CADM2: variants seen among roughly 807,000 people sequenced by gnomAD.
The protein encoded by CADM2 is cell adhesion molecule 2, also known as immunoglobulin superfamily member 4D.
Under a neutral mutation model 49.8 loss-of-function variants are expected in CADM2, and 12 were observed. The observed-to-expected ratio is 0.24, with a 90% CI of 0.15 to 0.39. CADM2 has a LOEUF of 0.39. Ranked by LOEUF, CADM2 falls within the 10% of genes least tolerant of loss-of-function variation. The pLI is 1.00. For missense variants in CADM2, 378 were observed against 492.3 expected (o/e 0.77, Z 2.20); for synonymous variants, 214 against 175.4 (o/e 1.22, Z -1.74).
chr3:85,791,443 A>T (rs550137739), intron 2 of CADM2, among the ~76,000 whole-genome samples: 1 of 150,680 alleles, frequency 6.6e-6, no homozygotes, highest in Non-Finnish European at 1.5e-5. Context: ...ATGATCTTGA[A>T]CTTTCTAAGA....
At chr3:85,513,494 C>T (rs978514949) in intron 1 of CADM2, among the ~76,000 whole-genome samples, 2 of 151,644 alleles carry the variant, frequency 1.3e-5, no homozygotes, top group Admixed American at 6.6e-5. Context: ...TCTAATAAAA[C>T]AACATGAAAA....
intron 1 of CADM2, among the ~76,000 whole-genome samples, chr3:85,647,808 C>G (rs564034035): frequency 1.3e-5 from 2 of 151,820 alleles, no homozygotes; most frequent in Admixed American, 6.6e-5. Flanking sequence ...TATCCATTCA[C>G]TAATTTCATA....
intron 6 of CADM2, among the ~76,000 whole-genome samples, chr3:85,931,882 ATTATT>A (rs1198659509): frequency 1.3e-5 from 2 of 151,426 alleles, no homozygotes; most frequent in African/African-American, 4.8e-5. Flanking sequence ...AAAATTTAAA[ATTATT>A]TTAAATTTTT....
At chr3:85,390,710 C>A (rs2034477724) in intron 1 of CADM2, among the ~76,000 whole-genome samples, 1 of 152,134 alleles carries the variant, frequency 6.6e-6, no homozygotes, top group Middle Eastern at 3.4e-3. Flanking sequence ...CAGTTCATAG[C>A]CAACACATAA....
intron 1 of CADM2, among the ~76,000 whole-genome samples, chr3:85,557,382 G>A (rs1452328099): frequency 6.6e-6 from 1 of 151,874 alleles, no homozygotes; most frequent in Non-Finnish European, 1.5e-5. Flanking sequence ...AACAGTTATT[G>A]AAACAGTAGA....
At chr3:85,901,664 T>C (rs941372384) in intron 5 of CADM2, among the ~76,000 whole-genome samples, 1 of 152,196 alleles carries the variant, frequency 6.6e-6, no homozygotes, top group African/African-American at 2.4e-5. Flanking sequence ...TTAGATATAA[T>C]TCACATCATC....
intron 1 of CADM2, among the ~76,000 whole-genome samples, chr3:85,239,039 G>A (rs2042471498): frequency 6.6e-6 from 1 of 151,746 alleles, no homozygotes; most frequent in East Asian, 1.9e-4. Context: ...GGTAAGTAAA[G>A]AAAAAGACTT....
At chr3:85,904,803 C>T (rs1370149908) in intron 5 of CADM2, among the ~76,000 whole-genome samples, 1 of 152,006 alleles carries the variant, frequency 6.6e-6, no homozygotes, top group Non-Finnish European at 1.5e-5. Flanking sequence ...AAAATATATT[C>T]CTTGCTTTAT....
intron 1 of CADM2, among the ~76,000 whole-genome samples, chr3:85,321,514 A>G (rs147905832): frequency 1.3e-5 from 2 of 152,130 alleles, no homozygotes; most frequent in African/African-American, 4.8e-5. Context: ...AGTATTATAG[A>G]CAAGGCTTCT....
intron 8 of CADM2, among the ~76,000 whole-genome samples, chr3:85,997,859 G>A (rs1411235559): frequency 2.6e-5 from 4 of 152,134 alleles, no homozygotes; most frequent in African/African-American, 7.2e-5. Flanking sequence ...GTCTGTCTTC[G>A]TTTTGGTCAG....
intron 1 of CADM2, among the ~76,000 whole-genome samples, chr3:85,222,948 CAT>C (rs2042074711): frequency 6.6e-6 from 1 of 152,026 alleles, no homozygotes; most frequent in African/African-American, 2.4e-5. Context: ...CTTTCAAAAA[CAT>C]GTATTATTTT....
At chr3:85,362,823 A>G (rs2032455680) in intron 1 of CADM2, among the ~76,000 whole-genome samples, 1 of 152,216 alleles carries the variant, frequency 6.6e-6, no homozygotes, top group African/African-American at 2.4e-5. Context: ...ATATTCTAAC[A>G]TCACATTCCC....
chr3:86,066,612 G>C (rs1469019067), intron 9 of CADM2, 53 bp from the exon 10 acceptor site: 3 of 1,298,180 alleles, frequency 2.3e-6, no homozygotes, highest in Admixed American at 1.8e-5. Flanking sequence ...CTTTAATGCT[G>C]GGTATTTTAC....
At chr3:84,984,032 G>GATATATAT (rs375979660) in intron 1 of CADM2, among the ~76,000 whole-genome samples, 4 of 144,622 alleles carry the variant, frequency 2.8e-5, no homozygotes, top group African/African-American at 1.1e-4. Flanking sequence ...TCTTCATTGT[G>GATATATAT]ATATATATAT....
chr3:85,549,081 A>T (rs999355234), intron 1 of CADM2, among the ~76,000 whole-genome samples: 16 of 152,206 alleles, frequency 1.1e-4, no homozygotes, highest in Non-Finnish European at 1.6e-4. Flanking sequence ...ATAATCAATA[A>T]ATGTACAGCC....
chr3:85,180,888 G>A (rs1002675461), intron 1 of CADM2, among the ~76,000 whole-genome samples: 6 of 152,132 alleles, frequency 3.9e-5, no homozygotes, highest in Non-Finnish European at 7.4e-5. Context: ...ACATAGAGAC[G>A]TGTCCTTAGG....
intron 1 of CADM2, among the ~76,000 whole-genome samples, chr3:85,417,785 A>T (rs2035980015): frequency 6.6e-6 from 1 of 152,286 alleles, no homozygotes; most frequent in Non-Finnish European, 1.5e-5. Flanking sequence ...ATATTCTATA[A>T]GTACAAGGCC....
At chr3:85,815,248 G>C (rs1003784716) in intron 3 of CADM2, among the ~76,000 whole-genome samples, 1 of 152,054 alleles carries the variant, frequency 6.6e-6, no homozygotes, top group Non-Finnish European at 1.5e-5. Context: ...CCTTTTATGA[G>C]GCCAGCATCA....
chr3:85,698,291 T>C (rs1428153743), intron 1 of CADM2, among the ~76,000 whole-genome samples: 1 of 152,202 alleles, frequency 6.6e-6, no homozygotes, highest in Non-Finnish European at 1.5e-5. Context: ...TACAGCGAGA[T>C]AACATCAAGT....
Sources: allele counts gnomAD v4.1 joint callset (sites outside exome capture counted in the v4.1 genomes callset), GRCh38; gene constraint gnomAD v4.1.1; transcripts MANE v1.5; gene names NCBI Gene and HGNC (gene_info 2026-07-23, HGNC 2026-07-21).